The following TEX29 variants were observed in gnomAD, a reference collection of about 807,000 sequenced individuals.
TEX29 encodes the protein testis-expressed protein 29.
A neutral mutation model predicts 18.2 loss-of-function variants in TEX29; 26 were observed. The ratio of observed to expected loss-of-function variants is 1.43; its 90% CI spans 1.04 to 1.98. The LOEUF (loss-of-function observed/expected upper bound fraction) is 1.98, where lower values mean the gene tolerates loss of function less well. Ranked by LOEUF, TEX29 falls within the 30% of genes most tolerant of loss-of-function variation. TEX29 has a pLI of 0.00. For missense variants in TEX29, 177 were observed against 194.2 expected, an observed-to-expected ratio of 0.91 and a Z score of 0.53; for synonymous variants, 83 against 78.5, an observed-to-expected ratio of 1.06 and a Z score of -0.31.
upstream of TEX29, chr13:111,316,297 C>A (rs1228991713): frequency 2.1e-6 from 1 of 474,130 alleles, no homozygotes; most frequent in Admixed American, 2.2e-5. Context: ...TTAGGGATGA[C>A]ATCCTACAAC....
chr13:111,325,852 A>C (rs2093671994), intron 2 of TEX29, among the ~76,000 whole-genome samples: 1 of 152,236 alleles, frequency 6.6e-6, no homozygotes, highest in Admixed American at 6.5e-5. Context: ...TCACTTTATG[A>C]ATAAAAATAA....
chr13:111,336,234 G>C (rs542876989), intron 3 of TEX29, among the ~76,000 whole-genome samples: 1 of 152,244 alleles, frequency 6.6e-6, no homozygotes, highest in South Asian at 2.1e-4. Context: ...GGTTTCTTTC[G>C]GGCCTGTAGG....
chr13:111,342,402 C>T (rs1233518017), intron 4 of TEX29, among the ~76,000 whole-genome samples: 1 of 151,922 alleles, frequency 6.6e-6, no homozygotes, highest in African/African-American at 2.4e-5. Context: ...GCACAAGAAA[C>T]TAAAATGAGG....
At chr13:111,317,568 C>T (rs1450701321), upstream of TEX29, among the ~76,000 whole-genome samples, 1 of 152,204 alleles carries the variant, frequency 6.6e-6, no homozygotes, top group Non-Finnish European at 1.5e-5. Flanking sequence ...GAATACTGGA[C>T]AGGTGTTGAA....
At position 111,344,179 on chromosome 13, in the gene TEX29, C is replaced by G; in HGVS notation, c.*56C>G. The G allele has an allele frequency of 4.1e-6, 6 of 1,450,986 alleles. No homozygotes were observed. The East Asian group carries it at 1.4e-4, about 33-fold the overall frequency. 89.9% of individuals were successfully genotyped at this position (1,450,986 alleles called of 1,614,324 possible). On this transcript the variant is annotated 3_prime_UTR_variant, in exon 6 of 6. Coordinates refer to ENST00000283547, the MANE Select transcript of TEX29 (RefSeq NM_152324.3). ...GAATTATCCAAATGAAATGGTACAGCAGGTGCACTGTTAACAGTGTGATGG... is the reference window on the plus strand; with the variant it reads ...GAATTATCCAAATGAAATGGTACAGGAGGTGCACTGTTAACAGTGTGATGG...
intron 2 of TEX29, among the ~76,000 whole-genome samples, chr13:111,324,058 C>T (rs755759392): frequency 6.6e-6 from 1 of 152,224 alleles, no homozygotes; most frequent in Admixed American, 6.5e-5. Flanking sequence ...GGTGGTGTCA[C>T]AGCTCACAGA....
chr13:111,329,579 G>T (rs2093679570), intron 3 of TEX29, among the ~76,000 whole-genome samples: 1 of 151,860 alleles, frequency 6.6e-6, no homozygotes, highest in African/African-American at 2.4e-5. Context: ...GTGACCTGCT[G>T]GTGGAACCTA....
At chr13:111,325,499 C>T (rs2093671396) in intron 2 of TEX29, among the ~76,000 whole-genome samples, 1 of 152,246 alleles carries the variant, frequency 6.6e-6, no homozygotes, top group African/African-American at 2.4e-5. Context: ...GGAAGCCCAC[C>T]TCGGCCCCCT....
At chr13:111,334,263 T>A (rs1310318746) in intron 3 of TEX29, among the ~76,000 whole-genome samples, 1 of 152,212 alleles carries the variant, frequency 6.6e-6, no homozygotes, top group African/African-American at 2.4e-5. Flanking sequence ...TTGTTGTGGT[T>A]GTTTGATGAC....
intron 3 of TEX29, among the ~76,000 whole-genome samples, chr13:111,329,899 T>C (rs538710834): frequency 6.6e-6 from 1 of 152,274 alleles, no homozygotes; most frequent in East Asian, 1.9e-4. Flanking sequence ...TGGTTCTCTA[T>C]GCTTGGTCTA....
At chr13:111,335,442 A>G (rs185681614) in intron 3 of TEX29, among the ~76,000 whole-genome samples, 1 of 152,376 alleles carries the variant, frequency 6.6e-6, no homozygotes, top group East Asian at 1.9e-4. Flanking sequence ...GTACTCCTGA[A>G]GCCAAGCTCA....
chr13:111,319,888 T>C (rs1437212484), upstream of TEX29, among the ~76,000 whole-genome samples: 1 of 152,088 alleles, frequency 6.6e-6, no homozygotes, highest in Non-Finnish European at 1.5e-5. Flanking sequence ...CTCACAAACC[T>C]CCCGACAGCC....
upstream of TEX29, among the ~76,000 whole-genome samples, chr13:111,318,741 C>T (rs529874488): frequency 2.6e-5 from 4 of 152,314 alleles, no homozygotes; most frequent in South Asian, 2.1e-4. Context: ...GCCTGGGAGC[C>T]TGCACGCAAT....
intron 3 of TEX29, among the ~76,000 whole-genome samples, chr13:111,338,152 C>T (rs1045531959): frequency 4.3e-4 from 66 of 152,158 alleles, no homozygotes; most frequent in African/African-American, 1.6e-3. Flanking sequence ...GAATTGTGTA[C>T]ACCCAATGCA....
chr13:111,328,977 A>G (rs193074387), intron 3 of TEX29, among the ~76,000 whole-genome samples: 1 of 152,328 alleles, frequency 6.6e-6, no homozygotes, highest in African/African-American at 2.4e-5. Context: ...GGAGAAGGTT[A>G]AGAAACCAGG....
At chr13:111,321,607 AAAC>A (rs1567157335) in intron 2 of TEX29, among the ~76,000 whole-genome samples, 1 of 147,832 alleles carries the variant, frequency 6.8e-6, no homozygotes, top group African/African-American at 2.6e-5. Context: ...TGCTTTTATA[AAAC>A]AACAACAACA....
At chr13:111,343,359 G>A (rs2093699832) in intron 5 of TEX29, among the ~76,000 whole-genome samples, 1 of 148,352 alleles carries the variant, frequency 6.7e-6, no homozygotes, top group Admixed American at 6.7e-5. Flanking sequence ...TGTGCAGGGA[G>A]GCTGCCAGGC....
chr13:111,320,998 G>GT (rs565182299), intron 2 of TEX29, 50 bp downstream of exon 2: 31 of 1,040,348 alleles, frequency 3.0e-5, no homozygotes, highest in African/African-American at 1.6e-4. Context: ...GAGCAGTTGG[G>GT]GGGGGGCACA....
intron 2 of TEX29, among the ~76,000 whole-genome samples, chr13:111,327,056 G>T (rs28657402): frequency 6.6e-6 from 1 of 151,994 alleles, no homozygotes; most frequent in Non-Finnish European, 1.5e-5. Flanking sequence ...GGCCTCTTCC[G>T]GCCTCCCCCG....
Sources: gnomAD v4.1 joint callset for allele counts (sites outside exome capture counted in the v4.1 genomes callset) on GRCh38, gnomAD v4.1.1 for gene constraint, MANE v1.5 for transcripts, NCBI Gene and HGNC (gene_info 2026-07-23, HGNC 2026-07-21) for gene names.